TENM1: variants seen among roughly 807,000 people sequenced by gnomAD.
TENM1 encodes the protein teneurin-1.
Under a neutral mutation model 174.8 loss-of-function variants are expected in TENM1, and 35 were observed. The ratio of observed to expected loss-of-function variants is 0.20; its 90% CI spans 0.15 to 0.27. The LOEUF is 0.27. TENM1 is among the 10% of genes least tolerant of loss of function. The pLI is 1.00. For missense variants in TENM1, 1,633 were observed against 2,130.1 expected (o/e 0.77, Z 4.59); for synonymous variants, 781 against 798.7 (o/e 0.98, Z 0.37).
intron 4 of TENM1, among the ~76,000 whole-genome samples, chrX:124,729,828 T>C (rs2053523375): frequency 8.9e-6 from 1 of 112,055 alleles, no homozygotes; most frequent in Admixed American, 9.4e-5. Flanking sequence ...ATGGTTCTGA[T>C]GATTTGGAAC....
intron 3 of TENM1, among the ~76,000 whole-genome samples, chrX:124,756,433 G>T (rs1266954248): frequency 1.6e-4 from 17 of 107,158 alleles, no homozygotes; most frequent in East Asian, 8.9e-4. Context: ...CCTTTGGTTT[G>T]AATTTCCTCC....
intron 14 of TENM1, among the ~76,000 whole-genome samples, chrX:124,548,077 C>T (rs1326928952): frequency 1.8e-5 from 2 of 111,824 alleles, no homozygotes; most frequent in East Asian, 5.6e-4. Flanking sequence ...ACCTCTTGAT[C>T]CGCCCACCTC....
chrX:124,916,125 C>T lies in TENM1; in HGVS notation c.218-19884G>A, dbSNP rs180782408. On this transcript the variant is annotated intron_variant, in intron 1 of 31. Coordinates refer to ENST00000422452, the Ensembl canonical transcript of TENM1. The stretch of plus-strand genomic sequence containing the variant: ...CCATCTACATACTGCAATCTCACCT[C>T]TTTGAAAAAAAACCATTGTTTTACC... 6.3e-5 allele frequency among the ~76,000 whole-genome samples: 7 copies of T among 110,248 alleles called. No homozygotes were observed. The East Asian group carries it at 1.7e-3, about 27-fold the overall frequency.
the TENM1 span, among the ~76,000 whole-genome samples, chrX:125,037,632 C>T: frequency 1.7e-4 from 19 of 111,129 alleles, no homozygotes; most frequent in Admixed American, 2.9e-4. Flanking sequence ...CGATCCTGTC[C>T]GAAATTACAA....
chrX:124,677,729 A>G (rs1373688253), intron 5 of TENM1, among the ~76,000 whole-genome samples: 1 of 111,684 alleles, frequency 9.0e-6, no homozygotes, highest in Non-Finnish European at 1.9e-5. Context: ...AGAAATTATC[A>G]GATTGAAGGA....
intron 3 of TENM1, among the ~76,000 whole-genome samples, chrX:124,775,240 A>G (rs1270718690): frequency 1.9e-5 from 2 of 102,942 alleles, no homozygotes; most frequent in Non-Finnish European, 3.9e-5. Context: ...CGGGAGGCGG[A>G]GGCTGCAGTG....
intron 4 of TENM1, among the ~76,000 whole-genome samples, chrX:124,726,670 A>AT (rs773618885): frequency 2.7e-5 from 3 of 111,239 alleles, no homozygotes; most frequent in Non-Finnish European, 3.8e-5. Flanking sequence ...ACATTTTGAG[A>AT]TTTTTTTTCT....
At chrX:124,385,835 C>A in exon 29 of TENM1, 1 of 1,211,405 alleles carries the variant, frequency 8.3e-7, no homozygotes, top group Non-Finnish European at 1.1e-6. Context: ...TAAGACTCTG[C>A]GCCCTGTCCC....
the TENM1 span, among the ~76,000 whole-genome samples, chrX:124,984,147 C>T: frequency 3.6e-5 from 4 of 112,009 alleles, no homozygotes; most frequent in African/African-American, 1.3e-4. Flanking sequence ...TACAAGAAAT[C>T]CCTTTCTCTT....
the TENM1 span, among the ~76,000 whole-genome samples, chrX:124,989,169 G>C: frequency 9.0e-6 from 1 of 111,702 alleles, no homozygotes; most frequent in African/African-American, 3.2e-5. Context: ...CTAAGATGTT[G>C]AGAATTAGCT....
chrX:124,640,856 G>A (rs2050998305), intron 11 of TENM1, among the ~76,000 whole-genome samples: 1 of 108,299 alleles, frequency 9.2e-6, no homozygotes, highest in South Asian at 4.1e-4. Flanking sequence ...AGCTACTCGG[G>A]AGGCTGAGGC....
At chrX:124,553,623 TAA>T (rs767529045) in intron 14 of TENM1, among the ~76,000 whole-genome samples, 2,054 of 79,012 alleles carry the variant, frequency 0.026, 71 homozygotes, top group African/African-American at 0.088. Context: ...ATCTTGCCTT[TAA>T]AAAAAAAAAA....
chrX:125,156,297 G>C, the TENM1 span, among the ~76,000 whole-genome samples: 2 of 111,394 alleles, frequency 1.8e-5, no homozygotes. Flanking sequence ...TACCTGTGTA[G>C]GTTTGTTATA....
chrX:125,192,478 G>A, the TENM1 span, among the ~76,000 whole-genome samples: 24 of 112,012 alleles, frequency 2.1e-4, no homozygotes, highest in African/African-American at 5.5e-4. Flanking sequence ...CCTGGTTGCC[G>A]TGTGAAAAAC....
chrX:124,546,315 G>C (rs2048427971), intron 15 of TENM1, among the ~76,000 whole-genome samples: 1 of 111,719 alleles, frequency 9.0e-6, no homozygotes, highest in Non-Finnish European at 1.9e-5. Context: ...AAGAATAACA[G>C]TGAGCAAATT....
chrX:124,492,499 C>CT (rs1289513715), intron 20 of TENM1, among the ~76,000 whole-genome samples: 45 of 101,440 alleles, frequency 4.4e-4, no homozygotes, highest in Admixed American at 1.1e-3. Context: ...AGGATAGATG[C>CT]TTTTTTTTTT....
At chrX:125,128,791 C>G in the TENM1 span, among the ~76,000 whole-genome samples, 1 of 111,294 alleles carries the variant, frequency 9.0e-6, no homozygotes, top group South Asian at 3.8e-4. Context: ...ATTTAAAGTA[C>G]TTATCACAGT....
the TENM1 span, among the ~76,000 whole-genome samples, chrX:125,179,050 A>C: frequency 1.8e-5 from 2 of 111,593 alleles, no homozygotes; most frequent in African/African-American, 6.5e-5. Flanking sequence ...GAAATAAGGA[A>C]ATGACCTCAT....
the TENM1 span, among the ~76,000 whole-genome samples, chrX:125,099,968 G>T: frequency 9.0e-6 from 1 of 111,576 alleles, no homozygotes. Flanking sequence ...CAGTACAATT[G>T]TGTACTGCCT....
Sources: gnomAD v4.1 joint callset for allele counts (sites outside exome capture counted in the v4.1 genomes callset) on GRCh38, gnomAD v4.1.1 for gene constraint, MANE v1.5 for transcripts, NCBI Gene and HGNC (gene_info 2026-07-23, HGNC 2026-07-21) for gene names.